PRR16: variants seen among roughly 807,000 people sequenced by gnomAD.
PRR16 encodes the protein proline rich 16, also known as protein Largen.
In PRR16, 6 loss-of-function variants were observed where a neutral mutation model predicts 18.2. The observed-to-expected ratio is 0.33, with a 90% confidence interval of 0.18 to 0.65. The LOEUF (loss-of-function observed/expected upper bound fraction) is 0.65. Ranked by LOEUF, PRR16 falls within the 30% of genes least tolerant of loss-of-function variation. The pLI, the probability that PRR16 is intolerant of heterozygous loss-of-function variation, is 0.74. For synonymous variants in PRR16, 151 were observed against 147.8 expected (o/e 1.02, Z -0.16); for missense variants, 412 against 376.6 (o/e 1.09, Z -0.78).
At chr5:120,615,392 T>C (rs1343080906) in intron 1 of PRR16, among the ~76,000 whole-genome samples, 1 of 150,376 alleles carries the variant, frequency 6.6e-6, no homozygotes, top group Admixed American at 6.6e-5. Context: ...TTCTTTTTTT[T>C]TTTTTTTTTT....
In PRR16 at chr5:120,676,110, G is replaced by T. The variant is rs183416875; in HGVS notation, c.160-9844G>T. 2.0e-5 allele frequency among the ~76,000 whole-genome samples: 3 copies of T among 152,228 alleles called. No homozygotes were observed. In the East Asian group the frequency reaches 5.8e-4, roughly 29 times the overall value. ...ATTAGATATGTGCCTCTGTGTGGGTGTGTGTATTTTATTGTCACTGTTTGT... is the reference window on the plus strand; with the variant it reads ...ATTAGATATGTGCCTCTGTGTGGGTTTGTGTATTTTATTGTCACTGTTTGT... On this transcript the variant is annotated intron_variant, in intron 1 of 1. Transcript: ENST00000407149.
intron 1 of PRR16, among the ~76,000 whole-genome samples, chr5:120,649,624 G>T (rs1405490192): frequency 1.3e-5 from 2 of 151,906 alleles, no homozygotes; most frequent in Non-Finnish European, 2.9e-5. Context: ...AAAAAGCTGG[G>T]GAGTACATTT....
At chr5:120,616,861 T>A (rs1390110441) in intron 1 of PRR16, among the ~76,000 whole-genome samples, 1 of 152,166 alleles carries the variant, frequency 6.6e-6, no homozygotes, top group Non-Finnish European at 1.5e-5. Context: ...ATACTCATAC[T>A]TCTTATGTTT....
downstream of PRR16, among the ~76,000 whole-genome samples, chr5:120,688,265 A>G (rs187817842): frequency 6.6e-6 from 1 of 152,334 alleles, no homozygotes; most frequent in African/African-American, 2.4e-5. Context: ...TGAAGGAACA[A>G]TCAAATGAGT....
chr5:120,791,767 T>C, the PRR16 span, among the ~76,000 whole-genome samples: 2 of 152,012 alleles, frequency 1.3e-5, no homozygotes, highest in Non-Finnish European at 2.9e-5. Context: ...CTTATAACAA[T>C]TAAAAGAATA....
At chr5:120,753,836 T>A in the PRR16 span, among the ~76,000 whole-genome samples, 1 of 129,098 alleles carries the variant, frequency 7.7e-6, no homozygotes, top group African/African-American at 2.9e-5. Flanking sequence ...ATATAATATA[T>A]ATAACTTATA....
chr5:120,551,355 C>T (rs6595241), intron 1 of PRR16, among the ~76,000 whole-genome samples: 7,499 of 152,042 alleles, frequency 0.049, 234 homozygotes, highest in East Asian at 0.099. Context: ...GAAAATTTGA[C>T]TTTTATAGTC....
the PRR16 span, chr5:120,710,802 T>C: frequency 6.6e-6 from 1 of 152,222 alleles, no homozygotes; most frequent in South Asian, 2.1e-4. Flanking sequence ...ATACCTTGGA[T>C]AAACCTCAGT....
At chr5:120,499,442 C>T (rs1750374158) in intron 1 of PRR16, among the ~76,000 whole-genome samples, 1 of 152,042 alleles carries the variant, frequency 6.6e-6, no homozygotes, top group Non-Finnish European at 1.5e-5. Context: ...TTGTTGTTTT[C>T]AGGCTAGTTT....
At chr5:120,509,687 C>T (rs1434375840) in intron 1 of PRR16, among the ~76,000 whole-genome samples, 1 of 152,104 alleles carries the variant, frequency 6.6e-6, no homozygotes, top group Non-Finnish European at 1.5e-5. Flanking sequence ...CTGTTATAGA[C>T]ATCAGAGTTT....
chr5:120,731,655 T>C, the PRR16 span, among the ~76,000 whole-genome samples: 1 of 152,190 alleles, frequency 6.6e-6, no homozygotes, highest in Non-Finnish European at 1.5e-5. Flanking sequence ...TCTGCTCCTT[T>C]AGTAGGACTC....
chr5:120,593,766 A>G (rs1163231682), intron 1 of PRR16, among the ~76,000 whole-genome samples: 1 of 152,148 alleles, frequency 6.6e-6, no homozygotes, highest in Non-Finnish European at 1.5e-5. Flanking sequence ...AAATACCAAC[A>G]AACCGAATCT....
In PRR16 at chr5:120,686,538, C is replaced by T. The variant is rs1199871647; in HGVS notation, c.744C>T (p.Gly248=). ...CACCGGGAAAGATTCCTCACCAAGG[C>T]CCTCCCCTCCCTCCTACACCCCATC... is the stretch of plus-strand genomic sequence containing the variant. The part of the protein sequence containing the change: ...VHPPGKIPHQ[G]PPLPPTPHLP... Residue 248 remains glycine (G), a synonymous_variant, in exon 2 of 2, where the codon GGC becomes GGT. Coordinates refer to ENST00000407149, the MANE Select transcript of PRR16 (RefSeq NM_001300783.2). 2 of 1,593,306 alleles carry T rather than the reference C, an allele frequency of 1.3e-6. No homozygotes were observed. Among genetic ancestry groups the T allele is most frequent in the African/African-American group, 1.3e-5 (1 of 74,362 alleles).
rs940021200 is a variant in PRR16 at position 120,607,428 on chromosome 5, A to G, written c.160-78526A>G. On this transcript the variant is annotated intron_variant, in intron 1 of 1. Transcript: ENST00000407149. ...TTATGTTTTTCTCTTTTGGAGATAA[A>G]TAGTTTCTTTGAAGATATTTTACTA... is the stretch of plus-strand genomic sequence containing the variant. 3.9e-5 allele frequency among the ~76,000 whole-genome samples: 6 copies of G among 152,196 alleles called. No homozygotes were observed. The East Asian group carries it at 1.2e-3, about 29-fold the overall frequency.
At chr5:120,711,064 T>C in the PRR16 span, among the ~76,000 whole-genome samples, 10 of 152,300 alleles carry the variant, frequency 6.6e-5, no homozygotes, top group Non-Finnish European at 1.0e-4. Flanking sequence ...TCACTCTGAC[T>C]CTGGGTCTTC....
intron 1 of PRR16, among the ~76,000 whole-genome samples, chr5:120,475,014 G>GA (rs1384713513): frequency 1.3e-5 from 2 of 152,140 alleles, no homozygotes; most frequent in Non-Finnish European, 2.9e-5. Flanking sequence ...TCTAGTGGGG[G>GA]ACAAATTATA....
chr5:120,690,433 G>A (rs1018540254), downstream of PRR16, among the ~76,000 whole-genome samples: 2 of 152,032 alleles, frequency 1.3e-5, no homozygotes, highest in Non-Finnish European at 2.9e-5. Context: ...CTAATTCTCT[G>A]TCCCCAGCAC....
chr5:120,643,443 A>T (rs1245011148), intron 1 of PRR16, among the ~76,000 whole-genome samples: 1 of 152,150 alleles, frequency 6.6e-6, no homozygotes, highest in African/African-American at 2.4e-5. Flanking sequence ...TAAACTCAGA[A>T]GTGATAGAAA....
chr5:120,620,890 T>C (rs955924241), intron 1 of PRR16, among the ~76,000 whole-genome samples: 6 of 152,174 alleles, frequency 3.9e-5, no homozygotes, highest in East Asian at 1.9e-4. Flanking sequence ...ATCGTCTCCA[T>C]TGGATGTTTA....
Sources: allele counts gnomAD v4.1 joint callset (sites outside exome capture counted in the v4.1 genomes callset), GRCh38; gene constraint gnomAD v4.1.1; transcripts MANE v1.5; gene names NCBI Gene and HGNC (gene_info 2026-07-23, HGNC 2026-07-21).